Variants in GSE1 observed in about 807,000 individuals in gnomAD.
The protein encoded by GSE1 is Gse1 coiled-coil protein, also known as genetic suppressor element 1.
GSE1 carries 32 observed loss-of-function variants against 112.6 expected under a neutral mutation model. That is an observed-to-expected ratio of 0.28 (90% CI 0.21 to 0.38). The LOEUF is 0.38. Ranked by LOEUF, GSE1 falls within the 10% of genes least tolerant of loss-of-function variation. The probability of loss-of-function intolerance (pLI) is 1.00; values close to 1 mark genes in which losing one functional copy is unlikely to be tolerated. For missense variants in GSE1, 2,348 were observed against 1,699.2 expected, an observed-to-expected ratio of 1.38 and a Z score of -6.71; for synonymous variants, 1,115 against 735.6, an observed-to-expected ratio of 1.52 and a Z score of -8.35.
chr16:85,229,511 G>A (rs1250059106), intron 1 of GSE1, among the ~76,000 whole-genome samples: 4 of 152,212 alleles, frequency 2.6e-5, no homozygotes, highest in Non-Finnish European at 5.9e-5. Flanking sequence ...GCCATGCACC[G>A]TGCTAAGTGT....
chr16:85,490,268 C>G (rs879624907), intron 2 of GSE1: 5 of 152,230 alleles, frequency 3.3e-5, no homozygotes, highest in African/African-American at 1.2e-4. Flanking sequence ...ACAAGAGCTG[C>G]TAGGTGCTCA....
At chr16:85,532,007 G>A (rs1333838745) in intron 2 of GSE1, among the ~76,000 whole-genome samples, 2 of 152,192 alleles carry the variant, frequency 1.3e-5, no homozygotes, top group Admixed American at 6.5e-5. Flanking sequence ...GGTGTCTAGG[G>A]AGACAGTAAC....
At chr16:85,287,975 C>T (rs927902097) in intron 1 of GSE1, among the ~76,000 whole-genome samples, 2 of 152,218 alleles carry the variant, frequency 1.3e-5, no homozygotes, top group Non-Finnish European at 1.5e-5. Flanking sequence ...CACGGTGGCT[C>T]ACGCCTGTAA....
At chr16:85,617,611 C>T (rs1171116009) in intron 1 of GSE1, among the ~76,000 whole-genome samples, 1 of 30,826 alleles carries the variant, frequency 3.2e-5, no homozygotes, top group African/African-American at 1.3e-4. Context: ...CCCCCCCCCC[C>T]GTTAACTGCC....
chr16:85,658,647 C>T (rs568632636), intron 8 of GSE1, among the ~76,000 whole-genome samples: 2 of 152,342 alleles, frequency 1.3e-5, no homozygotes, highest in East Asian at 3.9e-4. Flanking sequence ...GCTCACACTG[C>T]CCGGCACGGC....
chr16:85,630,600 C>G (rs1286742762), intron 1 of GSE1, among the ~76,000 whole-genome samples: 2 of 152,200 alleles, frequency 1.3e-5, no homozygotes, highest in Non-Finnish European at 2.9e-5. Context: ...TACAGGTGTG[C>G]CCACCATGCC....
Position 85,668,210 on chromosome 16 carries a change from G to A in GSE1, c.3201G>A (p.Glu1067=), listed in dbSNP as rs1025092812. The A allele has an allele frequency of 3.1e-6, 5 of 1,611,234 alleles. No individual in the cohort carries two copies. The Admixed American group carries it at 8.3e-5, about 27-fold the overall frequency. Residue 1067 remains glutamate, a synonymous_variant, in exon 14 of 16, where the codon GAG becomes GAA. Transcript: ENST00000253458. ...CGTCCGTCCACTACAACATTCCTGA[G>A]CTGCAGTCCTCCAGCCGCGCCCCTC... The part of the protein sequence containing the change: ...VDTSVHYNIP[E]LQSSSRAPPP...
At chr16:85,299,952 C>A (rs1477466654) in intron 1 of GSE1, among the ~76,000 whole-genome samples, 283 of 140,678 alleles carry the variant, frequency 2.0e-3, no homozygotes, top group Admixed American at 3.1e-3. Context: ...AAAAAAAAAA[C>A]AACCCAACAA....
chr16:85,512,985 A>G (rs1455016686), intron 2 of GSE1, among the ~76,000 whole-genome samples: 4 of 152,136 alleles, frequency 2.6e-5, no homozygotes. Flanking sequence ...CCCAGCTGCC[A>G]TGGGGAGCTC....
At chr16:85,293,384 A>G (rs1314069685) in intron 1 of GSE1, among the ~76,000 whole-genome samples, 1 of 151,984 alleles carries the variant, frequency 6.6e-6, no homozygotes. Context: ...TGTCCCTGCT[A>G]AAAATACAAA....
At chr16:85,314,849 C>G (rs1326406868) in intron 1 of GSE1, among the ~76,000 whole-genome samples, 1 of 152,198 alleles carries the variant, frequency 6.6e-6, no homozygotes, top group African/African-American at 2.4e-5. Flanking sequence ...GGAGAGGAGA[C>G]AGAACCATCC....
At chr16:85,228,169 C>T (rs899792633) in intron 1 of GSE1, among the ~76,000 whole-genome samples, 6 of 152,204 alleles carry the variant, frequency 3.9e-5, no homozygotes, top group African/African-American at 1.2e-4. Flanking sequence ...CGCTGAGTCC[C>T]GGCCCCCGCC....
intron 1 of GSE1, among the ~76,000 whole-genome samples, chr16:85,328,936 C>G (rs1206342481): frequency 1.3e-5 from 2 of 152,230 alleles, no homozygotes; most frequent in Non-Finnish European, 2.9e-5. Flanking sequence ...GATGACAGGG[C>G]CTGCAGGGTG....
chr16:85,352,183 C>G (rs1597463410), intron 1 of GSE1, among the ~76,000 whole-genome samples: 1 of 152,288 alleles, frequency 6.6e-6, no homozygotes, highest in South Asian at 2.1e-4. Flanking sequence ...CTGAGTCTAC[C>G]AGGAGTTGGC....
chr16:85,558,517 G>A (rs1319722886), intron 1 of GSE1, among the ~76,000 whole-genome samples: 1 of 152,186 alleles, frequency 6.6e-6, no homozygotes, highest in Non-Finnish European at 1.5e-5. Context: ...TGTCAGGCTG[G>A]GAAATTCAAA....
At chr16:85,449,054 C>T (rs1336835588) in intron 2 of GSE1, among the ~76,000 whole-genome samples, 1 of 152,058 alleles carries the variant, frequency 6.6e-6, no homozygotes, top group African/African-American at 2.4e-5. Context: ...GGTGGCCGGG[C>T]GCAGGAGGGA....
At chr16:85,320,934 A>C (rs2046094197) in intron 1 of GSE1, among the ~76,000 whole-genome samples, 1 of 152,066 alleles carries the variant, frequency 6.6e-6, no homozygotes, top group South Asian at 2.1e-4. Flanking sequence ...CACTTCTTCT[A>C]GGAGTCTACT....
chr16:85,522,261 T>C (rs1229042907), intron 2 of GSE1, among the ~76,000 whole-genome samples: 1 of 152,108 alleles, frequency 6.6e-6, no homozygotes, highest in Non-Finnish European at 1.5e-5. Flanking sequence ...TTCCCTGCAC[T>C]GCGCCCTTCC....
chr16:85,467,321 A>G (rs1355272769), intron 2 of GSE1, among the ~76,000 whole-genome samples: 1 of 152,234 alleles, frequency 6.6e-6, no homozygotes. Flanking sequence ...AAAAGGGGAA[A>G]TAAATATGGT....
Sources: gnomAD v4.1 joint callset for allele counts (sites outside exome capture counted in the v4.1 genomes callset) on GRCh38, gnomAD v4.1.1 for gene constraint, MANE v1.5 for transcripts, NCBI Gene and HGNC (gene_info 2026-07-23, HGNC 2026-07-21) for gene names.